The following CACNA1C variants were observed in gnomAD, a reference collection of about 807,000 sequenced individuals.
CACNA1C encodes the protein calcium voltage-gated channel subunit alpha1 C, also known as voltage-dependent L-type calcium channel subunit alpha-1C.
A neutral mutation model predicts 229.0 loss-of-function variants in CACNA1C; 30 were observed. That is an observed-to-expected ratio of 0.13 (90% CI 0.10 to 0.18). The LOEUF is 0.18. Among genes scored for constraint, CACNA1C ranks in the 10% least tolerant of loss-of-function variants. The pLI, the probability that CACNA1C is intolerant of heterozygous loss-of-function variation, is 1.00. For missense variants in CACNA1C, 1,658 were observed against 2,845.0 expected (o/e 0.58, Z 9.49); for synonymous variants, 1,114 against 1,132.5 (o/e 0.98, Z 0.33).
rs373291282 is a variant in CACNA1C, at chr12:2,198,027, G to C, written c.477+77597G>C. ...CTAAATGCATTTTTACTACCGGAAGGCCCCCGTATGGAAATCACCTTCTCT... is the reference window on the plus strand; with the variant it reads ...CTAAATGCATTTTTACTACCGGAAGCCCCCCGTATGGAAATCACCTTCTCT... On this transcript the variant is annotated intron_variant, in intron 3 of 46. Coordinates refer to ENST00000399655, the MANE Select transcript of CACNA1C (RefSeq NM_000719.7). Among the ~76,000 whole-genome samples, 4 of 152,136 alleles carry C rather than the reference G, an allele frequency of 2.6e-5. No homozygotes were observed. The East Asian group carries it at 7.7e-4, about 29-fold the overall frequency.
chr12:2,281,802 G>C (rs1236642770), intron 3 of CACNA1C, among the ~76,000 whole-genome samples: 3 of 151,898 alleles, frequency 2.0e-5, no homozygotes, highest in African/African-American at 7.3e-5. Context: ...TTGAGCTTCT[G>C]GAACCTGTGG....
chr12:2,439,313 G>A (rs1379864487), intron 3 of CACNA1C, among the ~76,000 whole-genome samples: 2 of 152,178 alleles, frequency 1.3e-5, no homozygotes, highest in East Asian at 1.9e-4. Flanking sequence ...CTGTTCAAAC[G>A]CTGGACACCA....
chr12:2,056,354 G>A (rs1265505177), intron 1 of CACNA1C, among the ~76,000 whole-genome samples: 1 of 152,110 alleles, frequency 6.6e-6, no homozygotes, highest in Non-Finnish European at 1.5e-5. Context: ...GCCTTGCCTC[G>A]CCTCTGGTGC....
intron 3 of CACNA1C, among the ~76,000 whole-genome samples, chr12:2,401,487 C>T (rs1340918846): frequency 6.6e-6 from 1 of 152,216 alleles, no homozygotes; most frequent in Non-Finnish European, 1.5e-5. Flanking sequence ...CCCCTTTGAA[C>T]AGATGGGGAA....
intron 9 of CACNA1C, among the ~76,000 whole-genome samples, chr12:2,547,786 C>A (rs1202187701): frequency 6.6e-6 from 1 of 152,214 alleles, no homozygotes; most frequent in Non-Finnish European, 1.5e-5. Context: ...GGAGCTCTTC[C>A]TCTGGGCAGT....
At chr12:2,443,054 C>T (rs1221121592) in intron 3 of CACNA1C, among the ~76,000 whole-genome samples, 1 of 152,112 alleles carries the variant, frequency 6.6e-6, no homozygotes, top group African/African-American at 2.4e-5. Flanking sequence ...CTCCATGGTC[C>T]CCCCAAAGTC....
At chr12:2,430,605 T>C (rs2099073202) in intron 3 of CACNA1C, among the ~76,000 whole-genome samples, 1 of 152,128 alleles carries the variant, frequency 6.6e-6, no homozygotes, top group East Asian at 1.9e-4. Flanking sequence ...TGAGACCCAA[T>C]GCTGGCACAG....
chr12:2,294,914 T>C (rs2093888413), intron 3 of CACNA1C, among the ~76,000 whole-genome samples: 1 of 152,052 alleles, frequency 6.6e-6, no homozygotes, highest in Non-Finnish European at 1.5e-5. Flanking sequence ...AGTTGTGTAA[T>C]CTCCGTGGTC....
chr12:1,980,508 A>G lies in CACNA1C; in HGVS notation c.139+9307A>G, dbSNP rs117950140. Among the ~76,000 whole-genome samples, 339 of 151,982 alleles carry G rather than the reference A, an allele frequency of 2.2e-3. 6 individuals carry two copies. In the East Asian group the frequency reaches 0.054, roughly 24 times the overall value. On this transcript the variant is annotated intron_variant, in intron 1 of 46. Transcript: ENST00000682462. ...TCAGATATATGTACATGTTCTCAAT[A>G]TGTTTTCCCAGTCTGTGGTTTTTCT...
At chr12:2,623,662 A>G (rs1602489478) in intron 29 of CACNA1C, among the ~76,000 whole-genome samples, 1 of 152,182 alleles carries the variant, frequency 6.6e-6, no homozygotes, top group East Asian at 1.9e-4. Context: ...TGGCATCCAC[A>G]CTGACCTCCT....
intron 27 of CACNA1C, among the ~76,000 whole-genome samples, chr12:2,609,073 G>C (rs932402445): frequency 2.0e-5 from 3 of 152,212 alleles, no homozygotes; most frequent in African/African-American, 7.2e-5. Context: ...AACTGTGAGG[G>C]AGTGAGGGCT....
At chr12:2,255,262 G>A (rs1159723827) in intron 3 of CACNA1C, among the ~76,000 whole-genome samples, 2 of 147,050 alleles carry the variant, frequency 1.4e-5, no homozygotes, top group Admixed American at 6.8e-5. Flanking sequence ...TCAGCATTCT[G>A]CTGCAGAAAA....
chr12:2,400,374 G>A (rs2098660382), intron 3 of CACNA1C, among the ~76,000 whole-genome samples: 1 of 152,172 alleles, frequency 6.6e-6, no homozygotes, highest in Non-Finnish European at 1.5e-5. Flanking sequence ...CTACGGGGCA[G>A]GGGCTTATGT....
intron 30 of CACNA1C, among the ~76,000 whole-genome samples, chr12:2,640,794 C>T (rs2093596234): frequency 6.6e-6 from 1 of 152,264 alleles, no homozygotes; most frequent in African/African-American, 2.4e-5. Flanking sequence ...CCACAACAAT[C>T]ACAAGCAAGC....
chr12:2,524,818 G>T (rs2099815906), intron 9 of CACNA1C, among the ~76,000 whole-genome samples: 1 of 152,192 alleles, frequency 6.6e-6, no homozygotes, highest in South Asian at 2.1e-4. Context: ...ACTTCCGCCT[G>T]ACTTCCAGGG....
intron 3 of CACNA1C, among the ~76,000 whole-genome samples, chr12:2,300,790 T>C (rs895600346): frequency 3.9e-5 from 6 of 152,134 alleles, no homozygotes; most frequent in Non-Finnish European, 8.8e-5. Flanking sequence ...GGCTAGATGA[T>C]TCAAGGATGG....
In CACNA1C at chr12:2,695,346, G is replaced by A. The variant is rs1292926547; in HGVS notation, c.*4147G>A. The A allele has an allele frequency of 6.6e-6, 1 of 152,304 alleles. No individual in the cohort carries two copies. Among genetic ancestry groups the A allele is most frequent in the Admixed American group, 6.5e-5 (1 of 15,288 alleles). 9.4% of individuals were successfully genotyped at this position (152,304 alleles called of 1,614,324 possible). ...AGAAGAGTACTCATTCCATCTGGGG[G>A]TGTTGTTCCAGCCACATCAGCCTAC... is the stretch of plus-strand genomic sequence containing the variant. On this transcript the variant is annotated 3_prime_UTR_variant, in exon 47 of 47. Coordinates refer to ENST00000399655, the MANE Select transcript of CACNA1C (RefSeq NM_000719.7).
chr12:2,053,795 G>A lies in CACNA1C; in HGVS notation c.49+184G>A, dbSNP rs1373249610. ...CGGCGGGACCGGGGCCCGAACCGCC[G>A]CGCGAGACGGAGCGGAAAATTCCCG... On this transcript the variant is annotated intron_variant, in intron 1 of 46. Coordinates refer to ENST00000399655, the MANE Select transcript of CACNA1C (RefSeq NM_000719.7). This position sits in a 1 kb window ranked among gnomAD's most constrained non-coding sequence, Gnocchi z 5.8. 2.7e-5 allele frequency among the ~76,000 whole-genome samples: 4 copies of A among 150,404 alleles called. No homozygotes were observed. The highest frequency in any genetic ancestry group is 6.6e-5 in the Admixed American group (1 of 15,156).
chr12:2,382,248 G>A (rs749707625), intron 3 of CACNA1C, among the ~76,000 whole-genome samples: 5 of 152,236 alleles, frequency 3.3e-5, no homozygotes, highest in South Asian at 4.1e-4. Context: ...TTCTTATCAC[G>A]TTAAGATGGT....
Sources: allele counts gnomAD v4.1 joint callset (sites outside exome capture counted in the v4.1 genomes callset), GRCh38; gene constraint gnomAD v4.1.1; non-coding constraint Gnocchi (gnomAD v3.1); transcripts MANE v1.5; gene names NCBI Gene and HGNC (gene_info 2026-07-23, HGNC 2026-07-21).